Variants in SUCLG2 observed in about 807,000 individuals in gnomAD.
SUCLG2 encodes the protein succinate--CoA ligase [GDP-forming] subunit beta, mitochondrial.
SUCLG2 carries 42 observed loss-of-function variants against 47.9 expected under a neutral mutation model. The ratio of observed to expected loss-of-function variants is 0.88; its 90% CI spans 0.69 to 1.14. The LOEUF (loss-of-function observed/expected upper bound fraction) is 1.14. SUCLG2 is among the 50% of genes most tolerant of loss of function. SUCLG2 has a pLI of 0.00. For missense variants in SUCLG2, 571 were observed against 525.9 expected, an observed-to-expected ratio of 1.09 and a Z score of -0.84; for synonymous variants, 195 against 197.3, an observed-to-expected ratio of 0.99 and a Z score of 0.10.
intron 9 of SUCLG2, among the ~76,000 whole-genome samples, chr3:67,430,451 G>T (rs114257879): frequency 0.027 from 4,160 of 152,254 alleles, 90 homozygotes; most frequent in South Asian, 0.063. Context: ...ACTTAAAGCA[G>T]TGCATAGAGG....
chr3:67,598,138 G>A (rs1708336916), intron 2 of SUCLG2, among the ~76,000 whole-genome samples: 1 of 151,946 alleles, frequency 6.6e-6, no homozygotes, highest in South Asian at 2.1e-4. Flanking sequence ...ATGCCGCCAT[G>A]CCCAGCTAAT....
At chr3:67,437,314 G>C (rs547473818) in intron 9 of SUCLG2, among the ~76,000 whole-genome samples, 1 of 152,264 alleles carries the variant, frequency 6.6e-6, no homozygotes, top group African/African-American at 2.4e-5. Flanking sequence ...TCAATCACTA[G>C]GGGCCATTTT....
At chr3:67,629,899 T>C (rs1314888968) in intron 1 of SUCLG2, among the ~76,000 whole-genome samples, 2 of 152,186 alleles carry the variant, frequency 1.3e-5, no homozygotes, top group Non-Finnish European at 2.9e-5. Context: ...ATATATTCAT[T>C]ATACCACACA....
chr3:67,599,732 A>C (rs958203569), intron 2 of SUCLG2, among the ~76,000 whole-genome samples: 7 of 152,066 alleles, frequency 4.6e-5, no homozygotes, highest in East Asian at 1.9e-4. Flanking sequence ...AAAAAAAAAA[A>C]AACTCTAATA....
Position 67,609,690 on chromosome 3 carries a change from T to C in SUCLG2, c.85-94A>G, listed in dbSNP as rs989157627. 1.2e-5 allele frequency: 14 copies of C among 1,185,516 alleles called. No homozygotes were observed. The African/African-American group carries it at 1.3e-4, about 11-fold the overall frequency. 73.4% of individuals were successfully genotyped at this position (1,185,516 alleles called of 1,614,324 possible). A position where few individuals can be genotyped will look rare whatever the true frequency, so the allele number is the denominator to read the frequency against. Reference sequence around the variant, plus strand: ...GGCCAGTCTTAGAGGTACTGTTGACTGGCAATCTGCAACCCAGAGTTGAGA... The same window carrying C: ...GGCCAGTCTTAGAGGTACTGTTGACCGGCAATCTGCAACCCAGAGTTGAGA... On this transcript the variant is annotated intron_variant, in intron 1 of 10. Coordinates refer to ENST00000307227, the MANE Select transcript of SUCLG2 (RefSeq NM_003848.4).
At chr3:67,488,543 C>G (rs1040133475) in intron 9 of SUCLG2, among the ~76,000 whole-genome samples, 1 of 152,150 alleles carries the variant, frequency 6.6e-6, no homozygotes, top group African/African-American at 2.4e-5. Flanking sequence ...TCTAATGATG[C>G]CTTTACCAGG....
chr3:67,397,019 A>T (rs1354768404), intron 10 of SUCLG2, among the ~76,000 whole-genome samples: 3 of 151,756 alleles, frequency 2.0e-5, no homozygotes, highest in Non-Finnish European at 4.4e-5. Flanking sequence ...GATGGGACGT[A>T]TCTCAAAATA....
intron 2 of SUCLG2, among the ~76,000 whole-genome samples, chr3:67,563,775 C>G (rs1042072861): frequency 1.3e-5 from 2 of 151,800 alleles, no homozygotes; most frequent in Non-Finnish European, 2.9e-5. Context: ...CTGGTTAACA[C>G]GGTGAAACCC....
intron 1 of SUCLG2, 28 bp downstream of exon 1, chr3:67,654,475 C>A: frequency 8.1e-7 from 1 of 1,231,016 alleles, no homozygotes; most frequent in Non-Finnish European, 1.0e-6. Flanking sequence ...CCGCTGCTGG[C>A]GCCCGCAGCT....
At chr3:67,393,045 G>A (rs1702428145) in intron 10 of SUCLG2, among the ~76,000 whole-genome samples, 1 of 152,184 alleles carries the variant, frequency 6.6e-6, no homozygotes, top group Admixed American at 6.5e-5. Flanking sequence ...AGGCAGCCAA[G>A]ATGGCCGAAA....
chr3:67,583,205 C>CA (rs1301304313), intron 2 of SUCLG2, among the ~76,000 whole-genome samples: 1 of 152,028 alleles, frequency 6.6e-6, no homozygotes, highest in Non-Finnish European at 1.5e-5. Flanking sequence ...ATGCCACTTC[C>CA]AGCAGAGGGC....
chr3:67,459,579 A>C (rs982309663), intron 9 of SUCLG2, among the ~76,000 whole-genome samples: 3 of 152,240 alleles, frequency 2.0e-5, no homozygotes, highest in African/African-American at 7.2e-5. Flanking sequence ...GAAATTTACC[A>C]GGGAAGAACA....
intron 9 of SUCLG2, among the ~76,000 whole-genome samples, chr3:67,495,228 T>C (rs1221260670): frequency 6.6e-6 from 1 of 152,174 alleles, no homozygotes; most frequent in Non-Finnish European, 1.5e-5. Flanking sequence ...TGCCAACCAA[T>C]GTTTCGACTG....
intron 6 of SUCLG2, chr3:67,514,312 A>C (rs908498522): frequency 2.9e-5 from 12 of 409,520 alleles, no homozygotes; most frequent in African/African-American, 1.7e-4. Flanking sequence ...AACATTTAAC[A>C]TCTCATATTA....
rs200907275 is a variant in SUCLG2 at position 67,433,130 on chromosome 3, T to C, written c.1063-32279A>G. Among the ~76,000 whole-genome samples, 11 of 152,096 alleles carry C rather than the reference T, an allele frequency of 7.2e-5. No individual in the cohort carries two copies. In the East Asian group the frequency reaches 1.9e-3, roughly 27 times the overall value. Reference sequence around the variant, plus strand: ...CTGTACTTCTGGGGGTTGGGGGAGGTTGCTGCTAGCCATTTCCTCTAGTAA... The same window carrying C: ...CTGTACTTCTGGGGGTTGGGGGAGGCTGCTGCTAGCCATTTCCTCTAGTAA... On this transcript the variant is annotated intron_variant, in intron 9 of 10. Coordinates refer to ENST00000307227, the MANE Select transcript of SUCLG2 (RefSeq NM_003848.4).
At chr3:67,582,893 A>T (rs1194621892) in intron 2 of SUCLG2, among the ~76,000 whole-genome samples, 1 of 152,034 alleles carries the variant, frequency 6.6e-6, no homozygotes, top group Admixed American at 6.5e-5. Flanking sequence ...CTTTTATTAC[A>T]TCACACGATA....
intron 2 of SUCLG2, among the ~76,000 whole-genome samples, chr3:67,566,075 T>C (rs145952502): frequency 6.6e-6 from 1 of 152,332 alleles, no homozygotes; most frequent in African/African-American, 2.4e-5. Context: ...TTCACACACC[T>C]GTCCACTTAA....
At chr3:67,392,787 G>A (rs1455421475) in intron 10 of SUCLG2, among the ~76,000 whole-genome samples, 1 of 152,106 alleles carries the variant, frequency 6.6e-6, no homozygotes, top group African/African-American at 2.4e-5. Context: ...ATGGAATCAA[G>A]GCAGTGGCAC....
chr3:67,640,615 T>G (rs1305746935), intron 1 of SUCLG2, among the ~76,000 whole-genome samples: 1 of 152,186 alleles, frequency 6.6e-6, no homozygotes, highest in East Asian at 1.9e-4. Context: ...CGTTGAGCAT[T>G]CCATGGAATA....
Sources: gnomAD v4.1 joint callset for allele counts (sites outside exome capture counted in the v4.1 genomes callset) on GRCh38, gnomAD v4.1.1 for gene constraint, MANE v1.5 for transcripts, NCBI Gene and HGNC (gene_info 2026-07-23, HGNC 2026-07-21) for gene names.